MTMR8: variants seen among roughly 807,000 people sequenced by gnomAD.
The protein encoded by MTMR8 is phosphatidylinositol-3,5-bisphosphate 3-phosphatase MTMR8.
Under a neutral mutation model 39.3 loss-of-function variants are expected in MTMR8, and 65 were observed. That is an observed-to-expected ratio of 1.65 (90% CI 1.35 to 2.03). The LOEUF (loss-of-function observed/expected upper bound fraction) is 2.03, where lower values mean the gene tolerates loss of function less well. MTMR8 is among the 30% of genes most tolerant of loss of function. MTMR8 has a pLI of 0.00. For synonymous variants in MTMR8, 245 were observed against 185.2 expected, an observed-to-expected ratio of 1.32 and a Z score of -2.62; for missense variants, 777 against 538.9, an observed-to-expected ratio of 1.44 and a Z score of -4.37.
chrX:64,385,276 C>T (rs1282677554), intron 1 of MTMR8, among the ~76,000 whole-genome samples: 1 of 111,667 alleles, frequency 9.0e-6, no homozygotes, highest in South Asian at 3.8e-4. Context: ...CTTCATTGTC[C>T]ATATCACTAT....
At chrX:64,334,894 ATCATACTACACCG>A (rs1401459050) in intron 10 of MTMR8, among the ~76,000 whole-genome samples, 2 of 112,028 alleles carry the variant, frequency 1.8e-5, no homozygotes, top group East Asian at 5.6e-4. Context: ...TTAAGCACTT[ATCATACTACACCG>A]TCATCACTGA....
At chrX:64,381,678 C>T (rs1158772757) in intron 1 of MTMR8, among the ~76,000 whole-genome samples, 2 of 111,032 alleles carry the variant, frequency 1.8e-5, no homozygotes, top group African/African-American at 6.5e-5. Context: ...AGTCCTTGCC[C>T]ATGCCTATGT....
chrX:64,360,926 A>G (rs1274091590), intron 1 of MTMR8, among the ~76,000 whole-genome samples: 2 of 111,487 alleles, frequency 1.8e-5, no homozygotes, highest in Non-Finnish European at 3.8e-5. Flanking sequence ...TAAAGCACAG[A>G]AATTTAAAAC....
intron 12 of MTMR8, among the ~76,000 whole-genome samples, chrX:64,285,230 C>T (rs1921116350): frequency 9.0e-6 from 1 of 111,448 alleles, no homozygotes; most frequent in African/African-American, 3.3e-5. Flanking sequence ...CAAAGAAGGC[C>T]ATTACATAAT....
rs145419189 is a variant in MTMR8 at position 64,312,786 on chromosome X, G to T, written c.1481+15986C>A. On this transcript the variant is annotated intron_variant, in intron 12 of 13. Transcript: ENST00000374852. ...GGGCTGCAGAATGGATATTATGTTA[G>T]CGGCCATGAAAACATTCATCTGCAT... 4.6e-4 allele frequency among the ~76,000 whole-genome samples: 52 copies of T among 112,256 alleles called. No homozygotes were observed. In the East Asian group the frequency reaches 0.014, roughly 30 times the overall value.
At chrX:64,294,841 C>T in intron 12 of MTMR8, among the ~76,000 whole-genome samples, 1 of 111,555 alleles carries the variant, frequency 9.0e-6, no homozygotes, top group Non-Finnish European at 1.9e-5. Flanking sequence ...TCTCCTAATA[C>T]CATCACATTG....
At chrX:64,315,686 C>T (rs1922446233) in intron 12 of MTMR8, among the ~76,000 whole-genome samples, 2 of 110,826 alleles carry the variant, frequency 1.8e-5, no homozygotes, top group South Asian at 7.6e-4. Flanking sequence ...ATCCACTCTG[C>T]TAATTTTTTT....
chrX:64,303,597 C>T (rs979246399), intron 12 of MTMR8, among the ~76,000 whole-genome samples: 5 of 112,060 alleles, frequency 4.5e-5, no homozygotes, highest in African/African-American at 6.5e-5. Flanking sequence ...CTAAAATGAG[C>T]CACCTTATAA....
At chrX:64,357,010 G>A (rs1923643531) in intron 2 of MTMR8, among the ~76,000 whole-genome samples, 3 of 112,101 alleles carry the variant, frequency 2.7e-5, no homozygotes, top group South Asian at 7.5e-4. Context: ...TCTAGTGACA[G>A]TAAAGCAAAG....
At position 64,359,242 on chromosome X, in the gene MTMR8, G is replaced by C. The variant is rs193012693; in HGVS notation, c.147+163C>G. On this transcript the variant is annotated intron_variant, in intron 2 of 13. Coordinates refer to ENST00000374852, the MANE Select transcript of MTMR8 (RefSeq NM_017677.4). The stretch of plus-strand genomic sequence containing the variant: ...GAGCCAATAACTTGAAAAAAGAGGA[G>C]TAATACAATTCAGACCATAAAAAGA... 1.4e-3 allele frequency among the ~76,000 whole-genome samples: 159 copies of C among 111,115 alleles called. 1 individual carries two copies. Among genetic ancestry groups the C allele is most frequent in the African/African-American group, 5.1e-3 (155 of 30,584 alleles).
Position 64,268,340 on chromosome X carries a change from G to T in MTMR8, c.*197C>A. 1 of 421,042 alleles carries T rather than the reference G, an allele frequency of 2.4e-6. No homozygotes were observed. Among genetic ancestry groups the T allele is most frequent in the Non-Finnish European group, 4.0e-6 (1 of 251,989 alleles). The allele number at this position is 421,042 out of a possible 1,213,427, so 34.7% of individuals were successfully genotyped here. A position where few individuals can be genotyped will look rare whatever the true frequency, so the allele number is the denominator to read the frequency against. On this transcript the variant is annotated 3_prime_UTR_variant, in exon 14 of 14. Coordinates refer to ENST00000374852, the MANE Select transcript of MTMR8 (RefSeq NM_017677.4). ...AGAACAATAACATATTCTTTCTCTTGCCTACACTCTGTACTGCTTAATATG... is the reference window on the plus strand; with the variant it reads ...AGAACAATAACATATTCTTTCTCTTTCCTACACTCTGTACTGCTTAATATG...
At chrX:64,313,237 A>G (rs1017196001) in intron 12 of MTMR8, among the ~76,000 whole-genome samples, 1 of 112,361 alleles carries the variant, frequency 8.9e-6, no homozygotes, top group South Asian at 3.7e-4. Flanking sequence ...CATCTTCACC[A>G]ATTATCTTAG....
rs1186108964 is a variant in MTMR8 at position 64,284,218 on chromosome X, G to T, written c.1482-13145C>A. Among the ~76,000 whole-genome samples the T allele has an allele frequency of 2.7e-5, 3 of 112,045 alleles. No individual in the cohort carries two copies. The Admixed American group carries it at 2.8e-4, about 11-fold the overall frequency. The stretch of plus-strand genomic sequence containing the variant: ...ATGATTCGATCAATTGGAAGAAAGG[G>T]TATCAATGATTGAAGACCACATGAA... On this transcript the variant is annotated intron_variant, in intron 12 of 13. Transcript: ENST00000374852.
At chrX:64,300,031 T>C (rs1303694399) in intron 12 of MTMR8, among the ~76,000 whole-genome samples, 2 of 89,399 alleles carry the variant, frequency 2.2e-5, no homozygotes, top group African/African-American at 8.3e-5. Context: ...AGGTGTGGTG[T>C]GGTGCTGAAA....
Position 64,348,353 on chromosome X carries a change from T to G in MTMR8, c.732+307A>C, listed in dbSNP as rs916814929. Among the ~76,000 whole-genome samples, 3 of 111,367 alleles carry G rather than the reference T, an allele frequency of 2.7e-5. No homozygotes were observed. The Admixed American group carries it at 2.9e-4, about 11-fold the overall frequency. Reference sequence around the variant, plus strand: ...AATCTAGACCACAGAATGGGAATACTGAAAATTCTGGTTAAGGAACAGACT... The same window carrying G: ...AATCTAGACCACAGAATGGGAATACGGAAAATTCTGGTTAAGGAACAGACT... On this transcript the variant is annotated intron_variant, in intron 6 of 13. Transcript: ENST00000374852.
intron 5 of MTMR8, 43 bp from the exon 6 acceptor site, chrX:64,348,837 A>G (rs2147229527): frequency 8.4e-7 from 1 of 1,195,503 alleles, no homozygotes; most frequent in African/African-American, 1.8e-5. Flanking sequence ...ATATTCACAA[A>G]TGGTCAAAAA....
chrX:64,271,472 A>C (rs190948127), intron 12 of MTMR8, among the ~76,000 whole-genome samples: 27 of 112,341 alleles, frequency 2.4e-4, no homozygotes, highest in Admixed American at 2.1e-3. Flanking sequence ...CACAAGGATC[A>C]ATTCCCTTTA....
Position 64,268,574 on chromosome X carries a change from G to A in MTMR8, c.2078C>T (p.Ala693Val). 2 of 1,210,366 alleles carry A rather than the reference G, an allele frequency of 1.7e-6. No homozygotes were observed. Among genetic ancestry groups the A allele is most frequent in the South Asian group, 1.8e-5 (1 of 56,692 alleles). ...GILGDTGISK[A>V]STKEADYSKH... The stretch of plus-strand genomic sequence containing the variant: ...GGAGTAGTCTGCCTCCTTGGTGCTG[G>A]CCTTGGAGATGCCTGTGTCCCCCAA... Residue 693 changes from alanine to valine, a missense_variant, in exon 14 of 14, where the codon GCC (alanine) becomes GTC (valine). Ala to Val is a moderately conservative substitution (Grantham distance 64). Transcript: ENST00000374852.
Position 64,331,728 on chromosome X carries a change from T to C in MTMR8, c.1181A>G (p.Glu394Gly), listed in dbSNP as rs373896413. 9 of 1,206,984 alleles carry C rather than the reference T, an allele frequency of 7.5e-6. No homozygotes were observed. Among genetic ancestry groups the C allele is most frequent in the Admixed American group, 2.2e-5 (1 of 45,676 alleles). Residue 394 changes from glutamate to glycine, a missense_variant, in exon 11 of 14, where the codon GAA (glutamate) becomes GGA (glycine). By Grantham distance (98) the Glu-to-Gly change is moderately conservative (BLOSUM62 -2). Transcript: ENST00000374852. ...RCGHLDGDSK[E>G]VSPIFTQFLD... ...GAACTGGGTGAAGATAGGGGACACT[T>C]CTTTAGAGTCCCCATCGAGGTGGCC...
Sources: gnomAD v4.1 joint callset for allele counts (sites outside exome capture counted in the v4.1 genomes callset) on GRCh38, gnomAD v4.1.1 for gene constraint, MANE v1.5 for transcripts, NCBI Gene and HGNC (gene_info 2026-07-23, HGNC 2026-07-21) for gene names.